Variants in OXR1 observed in about 807,000 individuals in gnomAD.
OXR1 encodes the protein oxidation resistance protein 1.
Under a neutral mutation model 104.6 loss-of-function variants are expected in OXR1, and 41 were observed. That is an observed-to-expected ratio of 0.39 (90% confidence interval 0.31 to 0.51). OXR1 has a LOEUF of 0.51. Among genes scored for constraint, OXR1 ranks in the 20% least tolerant of loss-of-function variants. The pLI is 0.77. For synonymous variants in OXR1, 348 were observed against 348.4 expected (o/e 1.00, Z 0.01); for missense variants, 955 against 1,031.9 (o/e 0.93, Z 1.02).
chr8:106,448,010 T>G (rs1563528946), intron 2 of OXR1: 2 of 1,535,574 alleles, frequency 1.3e-6, no homozygotes, highest in South Asian at 2.4e-5. Flanking sequence ...GTTGCCTGCC[T>G]GCCTGCACAG....
intron 2 of OXR1, among the ~76,000 whole-genome samples, chr8:106,516,334 C>T (rs896563088): frequency 1.3e-5 from 2 of 152,230 alleles, no homozygotes; most frequent in South Asian, 4.2e-4. Flanking sequence ...CTTTTTGCCA[C>T]CTAATTTGTT....
At chr8:106,529,827 CAATT>C (rs1813960124) in intron 3 of OXR1, among the ~76,000 whole-genome samples, 1 of 152,176 alleles carries the variant, frequency 6.6e-6, no homozygotes, top group Non-Finnish European at 1.5e-5. Context: ...TTATATCTGT[CAATT>C]TATTTAATGA....
At chr8:106,633,356 C>T (rs576149272) in intron 3 of OXR1, among the ~76,000 whole-genome samples, 100 of 152,144 alleles carry the variant, frequency 6.6e-4, no homozygotes, top group African/African-American at 1.8e-3. Flanking sequence ...ATTATATGGC[C>T]GTCTTACAAA....
At chr8:106,489,464 A>G (rs995226003) in intron 2 of OXR1, among the ~76,000 whole-genome samples, 3 of 152,186 alleles carry the variant, frequency 2.0e-5, no homozygotes, top group African/African-American at 7.2e-5. Context: ...AATAACTATG[A>G]TATGTGCCAA....
chr8:106,354,101 C>T (rs529444928), intron 1 of OXR1, among the ~76,000 whole-genome samples: 2 of 147,298 alleles, frequency 1.4e-5, no homozygotes, highest in East Asian at 3.9e-4. Context: ...AGGCCCTTTG[C>T]CCATTTTTTT....
intron 2 of OXR1, among the ~76,000 whole-genome samples, chr8:106,407,831 C>T (rs781604995): frequency 1.8e-4 from 28 of 152,106 alleles, no homozygotes; most frequent in Non-Finnish European, 3.4e-4. Flanking sequence ...TTTATTTTGG[C>T]CTTCTGTACA....
intron 3 of OXR1, among the ~76,000 whole-genome samples, chr8:106,653,445 T>A (rs2131029190): frequency 6.6e-6 from 1 of 152,106 alleles, no homozygotes; most frequent in African/African-American, 2.4e-5. Flanking sequence ...GTTCATTTAA[T>A]ATACAAATAT....
At chr8:106,341,471 A>G (rs1323312626) in intron 1 of OXR1, among the ~76,000 whole-genome samples, 1 of 151,962 alleles carries the variant, frequency 6.6e-6, no homozygotes, top group Non-Finnish European at 1.5e-5. Context: ...TAATGAAACA[A>G]AGATAAATAA....
At chr8:106,272,925 G>A (rs1018094704) in intron 1 of OXR1, 1 of 152,050 alleles carries the variant, frequency 6.6e-6, no homozygotes, top group African/African-American at 2.4e-5. Flanking sequence ...TTTTGTTTGG[G>A]GGTCACGGAA....
chr8:106,599,806 G>C (rs1819822281), intron 3 of OXR1, among the ~76,000 whole-genome samples: 1 of 152,190 alleles, frequency 6.6e-6, no homozygotes, highest in Non-Finnish European at 1.5e-5. Context: ...TCAGGGACCA[G>C]AGAGACAATT....
chr8:106,422,258 T>C (rs1253330971), intron 2 of OXR1, among the ~76,000 whole-genome samples: 1 of 152,158 alleles, frequency 6.6e-6, no homozygotes, highest in African/African-American at 2.4e-5. Flanking sequence ...AGCTAAAGAA[T>C]TGATAAGCTC....
intron 11 of OXR1, among the ~76,000 whole-genome samples, chr8:106,730,903 A>G (rs1434781908): frequency 6.6e-6 from 1 of 152,064 alleles, no homozygotes; most frequent in Non-Finnish European, 1.5e-5. Context: ...GAAAGAAAGA[A>G]AAAATAAGAA....
intron 2 of OXR1, chr8:106,447,852 CCTTAGAT>C: frequency 2.1e-6 from 3 of 1,426,478 alleles, no homozygotes; most frequent in Non-Finnish European, 2.7e-6. Context: ...TCTCTTTTTG[CCTTAGAT>C]GTTGGTCTGA....
intron 15 of OXR1, among the ~76,000 whole-genome samples, chr8:106,744,945 T>C (rs370888327): frequency 1.1e-4 from 17 of 152,164 alleles, no homozygotes; most frequent in African/African-American, 4.1e-4. Context: ...ATAAAATATG[T>C]CAACTGATAG....
chr8:106,330,877 T>G (rs1423161177), intron 1 of OXR1, among the ~76,000 whole-genome samples: 1 of 152,262 alleles, frequency 6.6e-6, no homozygotes, highest in Non-Finnish European at 1.5e-5. Flanking sequence ...AGTTGTTAAT[T>G]GGCAACTTCT....
intron 16 of OXR1, 51 bp from the exon 17 acceptor site, chr8:106,750,755 T>C: frequency 7.4e-7 from 1 of 1,346,890 alleles, no homozygotes; most frequent in Non-Finnish European, 1.0e-6. Flanking sequence ...ATTTAAATTG[T>C]TTTATAACTT....
intron 2 of OXR1, among the ~76,000 whole-genome samples, chr8:106,504,202 A>T (rs1586731421): frequency 6.6e-6 from 1 of 152,186 alleles, no homozygotes; most frequent in Non-Finnish European, 1.5e-5. Flanking sequence ...TATGAGGTTC[A>T]GGTTAAGTGC....
chr8:106,335,251 T>C (rs1814909998), intron 1 of OXR1, among the ~76,000 whole-genome samples: 1 of 152,202 alleles, frequency 6.6e-6, no homozygotes, highest in Non-Finnish European at 1.5e-5. Flanking sequence ...TTCTGTTTGA[T>C]GGCTTTCTAT....
At chr8:106,523,010 T>C (rs1176288487) in intron 3 of OXR1, among the ~76,000 whole-genome samples, 1 of 152,120 alleles carries the variant, frequency 6.6e-6, no homozygotes, top group African/African-American at 2.4e-5. Flanking sequence ...AGGGGAAAAA[T>C]TGCTTCTAAG....
Sources: allele counts gnomAD v4.1 joint callset (sites outside exome capture counted in the v4.1 genomes callset), GRCh38; gene constraint gnomAD v4.1.1; transcripts MANE v1.5; gene names NCBI Gene and HGNC (gene_info 2026-07-23, HGNC 2026-07-21).